The following PDE7A variants were observed in gnomAD, a reference collection of about 807,000 sequenced individuals.
PDE7A encodes high affinity 3',5'-cyclic-AMP phosphodiesterase 7A.
Under a neutral mutation model 64.3 loss-of-function variants are expected in PDE7A, and 39 were observed. The observed-to-expected ratio is 0.61, with a 90% CI of 0.47 to 0.79. The LOEUF (loss-of-function observed/expected upper bound fraction) is 0.79, where lower values mean the gene tolerates loss of function less well. Among genes scored for constraint, PDE7A ranks in the 30% least tolerant of loss-of-function variants. The probability of loss-of-function intolerance (pLI) is 0.00; values close to 1 mark genes in which losing one functional copy is unlikely to be tolerated. For missense variants in PDE7A, 470 were observed against 582.8 expected (o/e 0.81, Z 1.99); for synonymous variants, 203 against 206.8 (o/e 0.98, Z 0.16).
chr8:65,767,174 C>T (rs1808831587), intron 3 of PDE7A, among the ~76,000 whole-genome samples: 1 of 152,158 alleles, frequency 6.6e-6, no homozygotes, highest in Non-Finnish European at 1.5e-5. Flanking sequence ...ATTGCATGCA[C>T]AGCTTTGGGG....
chr8:65,745,966 C>A (rs1291235418), intron 4 of PDE7A, among the ~76,000 whole-genome samples: 1 of 147,566 alleles, frequency 6.8e-6, no homozygotes, highest in Non-Finnish European at 1.5e-5. Flanking sequence ...CACTCACTGT[C>A]ACCAAGGCTG....
intron 1 of PDE7A, among the ~76,000 whole-genome samples, chr8:65,792,989 T>C (rs767331398): frequency 2.0e-5 from 3 of 152,112 alleles, no homozygotes; most frequent in Non-Finnish European, 4.4e-5. Context: ...TTTCTCCTAG[T>C]ATAAAGAAGT....
intron 1 of PDE7A, among the ~76,000 whole-genome samples, chr8:65,783,806 T>TA (rs1258588243): frequency 1.3e-5 from 2 of 152,192 alleles, no homozygotes; most frequent in Non-Finnish European, 2.9e-5. Context: ...TAATAACTGA[T>TA]AAATAAATTG....
intron 12 of PDE7A, among the ~76,000 whole-genome samples, chr8:65,720,905 T>C (rs1048207647): frequency 6.6e-6 from 1 of 152,198 alleles, no homozygotes; most frequent in Non-Finnish European, 1.5e-5. Flanking sequence ...ACTGGAGTTA[T>C]CTACCCACAT....
intron 1 of PDE7A, among the ~76,000 whole-genome samples, chr8:65,814,510 CAAAAAAAAAAAA>C (rs140450405): frequency 1.3e-4 from 9 of 71,042 alleles, no homozygotes; most frequent in South Asian, 1.6e-3. Flanking sequence ...GACTCCGTCT[CAAAAAAAAAAAA>C]AAAAAAAAAA....
rs779701295 is a variant in PDE7A at position 65,715,996 on chromosome 8, CAAAAAAAAAAAAA to C, written c.*3281_*3293del. ...TGGGCGACAGAGCAAGGCTCTGTCTCAAAAAAAAAAAAAAAAAAAAAAAAAAAAATTAGCTGGG... is the reference window on the plus strand; with the variant it reads ...TGGGCGACAGAGCAAGGCTCTGTCTCAAAAAAAAAAAAAAAATTAGCTGGG... On this transcript the variant is annotated 3_prime_UTR_variant, in exon 13 of 13. Coordinates refer to ENST00000401827, the MANE Select transcript of PDE7A (RefSeq NM_001242318.3). 0.025 allele frequency among the ~76,000 whole-genome samples: 856 copies of C among 33,910 alleles called. 24 individuals carry two copies. Among genetic ancestry groups the C allele is most frequent in the African/African-American group, 0.11 (830 of 7,566 alleles). The allele number at this position is 33,910 out of a possible 152,430, so 22.2% of individuals were successfully genotyped here.
chr8:65,762,311 C>T (rs1480501348), intron 3 of PDE7A, among the ~76,000 whole-genome samples: 3 of 152,054 alleles, frequency 2.0e-5, no homozygotes, highest in Non-Finnish European at 2.9e-5. Flanking sequence ...CCTACATCTA[C>T]GGGACACATT....
intron 2 of PDE7A, among the ~76,000 whole-genome samples, chr8:65,781,938 T>C (rs1585913581): frequency 6.6e-6 from 1 of 152,008 alleles, no homozygotes; most frequent in South Asian, 2.1e-4. Flanking sequence ...CTGAGGCAGG[T>C]AAGACACACA....
intron 5 of PDE7A, among the ~76,000 whole-genome samples, chr8:65,743,343 C>G (rs1807524858): frequency 6.6e-6 from 1 of 152,066 alleles, no homozygotes; most frequent in Non-Finnish European, 1.5e-5. Flanking sequence ...GATATCAGAG[C>G]CTTTCCTGTG....
At chr8:65,768,858 A>G (rs549226925) in intron 3 of PDE7A, among the ~76,000 whole-genome samples, 7 of 152,332 alleles carry the variant, frequency 4.6e-5, no homozygotes, top group Admixed American at 1.3e-4. Context: ...ATAATCAAAA[A>G]TAATACAAAA....
At chr8:65,788,825 T>C in intron 1 of PDE7A, 1 of 1,199,456 alleles carries the variant, frequency 8.3e-7, no homozygotes, top group Non-Finnish European at 1.2e-6. Context: ...ATTTAATTCC[T>C]ATCAAATATG....
intron 12 of PDE7A, among the ~76,000 whole-genome samples, chr8:65,721,626 G>C (rs1180258214): frequency 6.6e-6 from 1 of 152,082 alleles, no homozygotes; most frequent in Non-Finnish European, 1.5e-5. Context: ...GATGAACAGT[G>C]AAAGGGATCT....
intron 3 of PDE7A, among the ~76,000 whole-genome samples, chr8:65,775,959 A>G (rs1809249318): frequency 6.6e-6 from 1 of 152,040 alleles, no homozygotes; most frequent in South Asian, 2.1e-4. Context: ...AAAGTCTCTA[A>G]AAGAGTTGTT....
chr8:65,760,498 T>C (rs1460151911), intron 3 of PDE7A, among the ~76,000 whole-genome samples: 1 of 152,198 alleles, frequency 6.6e-6, no homozygotes, highest in East Asian at 1.9e-4. Context: ...TGCACTTCAA[T>C]AGTGTCTAAA....
intron 4 of PDE7A, among the ~76,000 whole-genome samples, chr8:65,745,888 T>C (rs1807650769): frequency 2.0e-5 from 3 of 152,182 alleles, no homozygotes; most frequent in Admixed American, 6.5e-5. Flanking sequence ...TATAAGTTAC[T>C]CACTCTTTTA....
intron 5 of PDE7A, 96 bp from the exon 6 acceptor site, chr8:65,739,693 AAG>A: frequency 5.0e-6 from 6 of 1,206,632 alleles, no homozygotes; most frequent in Non-Finnish European, 6.3e-6. Context: ...AAAACATGGA[AAG>A]AGTAATAATT....
At chr8:65,841,258 C>T in intron 1 of PDE7A, 113 bp downstream of exon 1, 2 of 1,214,596 alleles carry the variant, frequency 1.6e-6, no homozygotes, top group Non-Finnish European at 1.1e-6. Context: ...GCCTAGAAAT[C>T]CCCAGACAAT....
chr8:65,804,097 C>T (rs1301198982), intron 1 of PDE7A, among the ~76,000 whole-genome samples: 1 of 152,160 alleles, frequency 6.6e-6, no homozygotes. Flanking sequence ...AAAGAACATA[C>T]AATATGTAAC....
chr8:65,826,311 G>A (rs1810673022), intron 1 of PDE7A, among the ~76,000 whole-genome samples: 1 of 152,208 alleles, frequency 6.6e-6, no homozygotes, highest in Admixed American at 6.5e-5. Flanking sequence ...TCTAGTGACA[G>A]GAGGCTATTG....
Sources: gnomAD v4.1 joint callset for allele counts (sites outside exome capture counted in the v4.1 genomes callset) on GRCh38, gnomAD v4.1.1 for gene constraint, MANE v1.5 for transcripts, NCBI Gene and HGNC (gene_info 2026-07-23, HGNC 2026-07-21) for gene names.